The following CSMD3 variants were observed in gnomAD, a reference collection of about 807,000 sequenced individuals.
CSMD3 encodes the protein CUB and Sushi multiple domains 3.
In CSMD3, 177 loss-of-function variants were observed where a neutral mutation model predicts 435.2. The ratio of observed to expected loss-of-function variants is 0.41; its 90% confidence interval spans 0.36 to 0.46. The LOEUF (loss-of-function observed/expected upper bound fraction) is 0.46. Among genes scored for constraint, CSMD3 ranks in the 20% least tolerant of loss-of-function variants. The probability of loss-of-function intolerance (pLI) is 0.34; values close to 1 mark genes in which losing one functional copy is unlikely to be tolerated. For synonymous variants in CSMD3, 1,656 were observed against 1,520.5 expected, an observed-to-expected ratio of 1.09 and a Z score of -2.07; for missense variants, 4,265 against 4,504.6, an observed-to-expected ratio of 0.95 and a Z score of 1.52.
At chr8:112,239,772 A>G (rs193207678) in intron 66 of CSMD3, among the ~76,000 whole-genome samples, 116 of 151,906 alleles carry the variant, frequency 7.6e-4, no homozygotes, top group Non-Finnish European at 1.5e-3. Context: ...TTATGCTCAC[A>G]TTTTCTTTGT....
intron 7 of CSMD3, among the ~76,000 whole-genome samples, chr8:112,960,053 A>G (rs2084170271): frequency 6.6e-6 from 1 of 151,886 alleles, no homozygotes; most frequent in Non-Finnish European, 1.5e-5. Flanking sequence ...CAGAATTATC[A>G]GTTCTATTCC....
intron 33 of CSMD3, 147 bp downstream of exon 33, chr8:112,408,772 C>T: frequency 7.6e-7 from 1 of 1,322,398 alleles, no homozygotes; most frequent in African/African-American, 1.5e-5. Flanking sequence ...AATTTTGTTT[C>T]TATTCTTTAG....
intron 1 of CSMD3, among the ~76,000 whole-genome samples, chr8:113,319,888 T>C (rs2093937478): frequency 6.6e-6 from 1 of 152,078 alleles, no homozygotes; most frequent in Admixed American, 6.6e-5. Context: ...TTGTTCTTTA[T>C]AGTACATGTG....
rs371913071 is a variant in CSMD3 at position 112,284,553 on chromosome 8, C to T, written c.9331+2511G>A. Among the ~76,000 whole-genome samples, 14 of 150,698 alleles carry T rather than the reference C, an allele frequency of 9.3e-5. No individual in the cohort carries two copies. In the East Asian group the frequency reaches 2.7e-3, roughly 29 times the overall value. ...TACATTTTCTCATATTGCTTCATGG[C>T]CTATATCGTAATATTTTATTGACTA... On this transcript the variant is annotated intron_variant, in intron 58 of 70. Coordinates refer to ENST00000297405, the MANE Select transcript of CSMD3 (RefSeq NM_198123.2).
At chr8:112,419,345 A>C (rs908042896) in intron 32 of CSMD3, among the ~76,000 whole-genome samples, 1 of 152,196 alleles carries the variant, frequency 6.6e-6, no homozygotes, top group African/African-American at 2.4e-5. Flanking sequence ...ACAGAGTATA[A>C]TGAGACCATT....
intron 1 of CSMD3, among the ~76,000 whole-genome samples, chr8:113,364,974 T>A (rs2094302020): frequency 6.6e-6 from 1 of 152,114 alleles, no homozygotes; most frequent in Admixed American, 6.6e-5. Context: ...TACACCAGAT[T>A]GATCAAACAA....
chr8:113,360,611 TCGC>T (rs531777538), intron 1 of CSMD3, among the ~76,000 whole-genome samples: 184 of 138,776 alleles, frequency 1.3e-3, no homozygotes, highest in African/African-American at 5.0e-3. Context: ...TCTCGCTCTG[TCGC>T]CCAGGCTGGA....
At chr8:113,153,822 T>TA (rs2091880704) in intron 4 of CSMD3, among the ~76,000 whole-genome samples, 1 of 152,028 alleles carries the variant, frequency 6.6e-6, no homozygotes, top group South Asian at 2.1e-4. Flanking sequence ...GAGTCCATGG[T>TA]AAAAAATGTA....
intron 4 of CSMD3, among the ~76,000 whole-genome samples, chr8:113,116,466 C>A (rs2090832144): frequency 6.6e-6 from 1 of 152,160 alleles, no homozygotes; most frequent in Admixed American, 6.6e-5. Context: ...GTAAATTAAA[C>A]CTCTTTCCTT....
In CSMD3 at chr8:112,573,564, G is replaced by C. The variant is rs1829702426; in HGVS notation, c.3979C>G (p.Leu1327Val). Reference protein sequence around the residue: ...GLTLSSTSNQLWLEFNSDTEG... With the variant: ...GLTLSSTSNQVWLEFNSDTEG... The stretch of plus-strand genomic sequence containing the variant: ...GTATCGGAATTAAATTCTAGCCAGA[G>C]TTGATTTGAAGTACTACTAAGTGTC... The change falls in exon 24 of 71, where the codon CTC (leucine) becomes GTC (valine). Residue 1327 changes from leucine to valine, a missense_variant. Around this residue, in one of 3 missense-constraint regions of CSMD3, gnomAD observed 3,255 missense variants for 3,380.2 expected, o/e 0.96. Coordinates refer to ENST00000297405, the MANE Select transcript of CSMD3 (RefSeq NM_198123.2). The C allele has an allele frequency of 2.5e-6, 4 of 1,613,364 alleles. No homozygotes were observed. The highest frequency in any genetic ancestry group is 3.4e-6 in the Non-Finnish European group (4 of 1,179,482).
At chr8:113,168,733 G>A (rs1315690337) in intron 4 of CSMD3, among the ~76,000 whole-genome samples, 1 of 151,672 alleles carries the variant, frequency 6.6e-6, no homozygotes, top group Admixed American at 6.6e-5. Context: ...TTATTTTTGT[G>A]TCTTGTTTCA....
At chr8:112,335,761 T>C (rs1339816882) in intron 44 of CSMD3, among the ~76,000 whole-genome samples, 1 of 148,730 alleles carries the variant, frequency 6.7e-6, no homozygotes, top group East Asian at 2.0e-4. Flanking sequence ...TTACCAAAAC[T>C]CTGATGCTTT....
At chr8:112,717,683 C>T (rs1179727470) in intron 13 of CSMD3, among the ~76,000 whole-genome samples, 2 of 152,088 alleles carry the variant, frequency 1.3e-5, no homozygotes, top group East Asian at 1.9e-4. Flanking sequence ...TGATGATAGA[C>T]TGAATAAAGA....
At chr8:113,355,281 C>T (rs1381209753) in intron 1 of CSMD3, among the ~76,000 whole-genome samples, 2 of 150,714 alleles carry the variant, frequency 1.3e-5, no homozygotes, top group Non-Finnish European at 1.5e-5. Flanking sequence ...CACACACACA[C>T]ATATATATAT....
intron 8 of CSMD3, 148 bp downstream of exon 8, chr8:112,954,536 T>G: frequency 1.7e-6 from 1 of 601,870 alleles, no homozygotes; most frequent in Admixed American, 2.9e-5. Flanking sequence ...ATATAAAATA[T>G]TGAATAATCA....
chr8:113,399,078 CATATATATATATAT>C (rs764141337), intron 1 of CSMD3, among the ~76,000 whole-genome samples: 4 of 90,868 alleles, frequency 4.4e-5, no homozygotes, highest in Non-Finnish European at 6.2e-5. Context: ...AAGGATAGTT[CATATATATATATAT>C]ATATATATAT....
At chr8:113,268,814 G>A (rs752529162) in intron 3 of CSMD3, among the ~76,000 whole-genome samples, 6 of 151,926 alleles carry the variant, frequency 3.9e-5, no homozygotes, top group Non-Finnish European at 8.8e-5. Context: ...GAAAAAATGT[G>A]GCATATGCAT....
At chr8:113,027,817 G>A (rs1333768181) in intron 5 of CSMD3, among the ~76,000 whole-genome samples, 1 of 151,824 alleles carries the variant, frequency 6.6e-6, no homozygotes, top group Non-Finnish European at 1.5e-5. Context: ...CTATCCTTTA[G>A]ATGAATTCTC....
chr8:112,256,240 C>T (rs897511004), intron 61 of CSMD3, among the ~76,000 whole-genome samples: 9 of 150,628 alleles, frequency 6.0e-5, no homozygotes, highest in Middle Eastern at 3.4e-3. Context: ...AGTGAACAAA[C>T]AATAAACATA....
Sources: allele counts gnomAD v4.1 joint callset (sites outside exome capture counted in the v4.1 genomes callset), GRCh38; gene constraint gnomAD v4.1.1; regional missense constraint gnomAD v4.1.1; transcripts MANE v1.5; gene names NCBI Gene and HGNC (gene_info 2026-07-23, HGNC 2026-07-21).